RXFP2: variants seen among roughly 807,000 people sequenced by gnomAD.
The protein encoded by RXFP2 is relaxin receptor 2.
RXFP2 carries 68 observed loss-of-function variants against 88.6 expected under a neutral mutation model. The ratio of observed to expected loss-of-function variants is 0.77; its 90% CI spans 0.63 to 0.94. The LOEUF (loss-of-function observed/expected upper bound fraction) is 0.94, where lower values mean the gene tolerates loss of function less well. Among genes scored for constraint, RXFP2 ranks in the 40% least tolerant of loss-of-function variants. RXFP2 has a pLI of 0.00. For missense variants in RXFP2, 791 were observed against 893.9 expected (o/e 0.88, Z 1.47); for synonymous variants, 329 against 306.8 (o/e 1.07, Z -0.76).
At chr13:31,765,290 T>C in intron 4 of RXFP2, 148 bp downstream of exon 4, 1 of 638,106 alleles carries the variant, frequency 1.6e-6, no homozygotes, top group Non-Finnish European at 2.8e-6. Flanking sequence ...ATGCTTCCTA[T>C]TCAGGGGGAA....
At chr13:31,771,472 C>G (rs1872732429) in intron 5 of RXFP2, among the ~76,000 whole-genome samples, 1 of 152,166 alleles carries the variant, frequency 6.6e-6, no homozygotes, top group South Asian at 2.1e-4. Flanking sequence ...CTTGAATCAT[C>G]CTGAAACCAT....
Position 31,802,388 on chromosome 13 carries a change from A to G in RXFP2, c.2248A>G (p.Met750Val). 6.2e-7 allele frequency: 1 copy of G among 1,614,104 alleles called. No individual in the cohort carries two copies. The highest frequency in any genetic ancestry group is 2.2e-5 in the East Asian group (1 of 44,878). ...LNKITLGDSI[M>V]KPVS is the part of the protein sequence containing the mutation. ...CAAAATAACACTTGGAGACAGTATA[A>G]TGAAACCAGTTTCCTAGCAATCATT... Residue 750 changes from methionine (M) to valine (V), a missense_variant, in exon 18 of 18, where the codon ATG (methionine) becomes GTG (valine). Physicochemically the swap from Met to Val is conservative, Grantham distance 21 (BLOSUM62 1). Coordinates refer to ENST00000298386, the MANE Select transcript of RXFP2 (RefSeq NM_130806.5).
intron 5 of RXFP2, among the ~76,000 whole-genome samples, chr13:31,769,187 A>G (rs2138421525): frequency 6.6e-6 from 1 of 152,322 alleles, no homozygotes; most frequent in Non-Finnish European, 1.5e-5. Flanking sequence ...AAAATATATA[A>G]TTTGTTAGGT....
rs71941366 is a variant in RXFP2, at chr13:31,786,554, T to TAAAAA, written c.1002-6_1002-2dup. 6 of 1,496,334 alleles carry TAAAAA rather than the reference T, an allele frequency of 4.0e-6. No individual in the cohort carries two copies. Among genetic ancestry groups the TAAAAA allele is most frequent in the South Asian group, 2.4e-5 (2 of 85,002 alleles). 92.7% of individuals were successfully genotyped at this position (1,496,334 alleles called of 1,614,324 possible). On this transcript the variant is annotated splice_polypyrimidine_tract_variant and intron_variant, in intron 12 of 17. Transcript: ENST00000298386. ...CTTCTTTTCCTCTCTCATCTAATGG[T>TAAAAA]AAAAAAAAAAGGAACCTGTCATCCA...
At chr13:31,792,239 G>A (rs1329459243) in intron 15 of RXFP2, among the ~76,000 whole-genome samples, 1 of 152,150 alleles carries the variant, frequency 6.6e-6, no homozygotes, top group Non-Finnish European at 1.5e-5. Flanking sequence ...CTGCTCTCAG[G>A]AGTATGTCTT....
At chr13:31,778,860 C>G (rs184380170) in intron 9 of RXFP2, among the ~76,000 whole-genome samples, 2 of 152,260 alleles carry the variant, frequency 1.3e-5, no homozygotes, top group Admixed American at 1.3e-4. Context: ...AACTACTACT[C>G]CTACAGTCAA....
chr13:31,777,542 A>G (rs1873048912), intron 8 of RXFP2, 95 bp downstream of exon 8: 1 of 952,874 alleles, frequency 1.0e-6, no homozygotes, highest in African/African-American at 1.6e-5. Context: ...AATCAAGCCC[A>G]CAAAAATTTT....
chr13:31,775,547 C>T (rs1872909839), intron 7 of RXFP2, among the ~76,000 whole-genome samples, 158 bp downstream of exon 7: 1 of 152,160 alleles, frequency 6.6e-6, no homozygotes, highest in African/African-American at 2.4e-5. Context: ...AATTCAATGT[C>T]ATGTCAAGTA....
At chr13:31,756,696 G>A (rs369854146) in intron 1 of RXFP2, among the ~76,000 whole-genome samples, 13 of 147,612 alleles carry the variant, frequency 8.8e-5, no homozygotes, top group Non-Finnish European at 1.6e-4. Context: ...ATCTTGGCTC[G>A]CTGCAACCTC....
At chr13:31,795,795 T>C (rs1874004913) in intron 16 of RXFP2, among the ~76,000 whole-genome samples, 1 of 152,254 alleles carries the variant, frequency 6.6e-6, no homozygotes, top group South Asian at 2.1e-4. Flanking sequence ...ACTCAGGATT[T>C]TAGCGACAGC....
In RXFP2 at chr13:31,758,983, G is replaced by GT. The variant is rs1872114400; in HGVS notation, c.241+581dup. 2.0e-5 allele frequency among the ~76,000 whole-genome samples: 3 copies of GT among 151,776 alleles called. No individual in the cohort carries two copies. In the South Asian group the frequency reaches 6.2e-4, roughly 32 times the overall value. On this transcript the variant is annotated intron_variant, in intron 2 of 17. Transcript: ENST00000298386. ...GAATTGCCTGAACCCGGGAGGCAAG[G>GT]TTGCGGTGAGCCCAGATGGCACCAC...
At chr13:31,787,305 A>G (rs1010123578) in intron 13 of RXFP2, among the ~76,000 whole-genome samples, 1 of 152,228 alleles carries the variant, frequency 6.6e-6, no homozygotes, top group Non-Finnish European at 1.5e-5. Flanking sequence ...TCTTAGTATC[A>G]TCTTTTATTC....
In RXFP2 at chr13:31,803,093, A is replaced by G. The variant is rs999040378; in HGVS notation, c.*688A>G. On this transcript the variant is annotated 3_prime_UTR_variant, in exon 18 of 18. Transcript: ENST00000298386. The stretch of plus-strand genomic sequence containing the variant: ...TTTCTGAAGGTTGCCCAGGGCACAA[A>G]CAAATTGGACACTTTCACTGCTAAA... 2 of 152,300 alleles carry G rather than the reference A, an allele frequency of 1.3e-5. No homozygotes were observed. Among genetic ancestry groups the G allele is most frequent in the East Asian group, 3.8e-4 (2 of 5,204 alleles). 9.4% of individuals were successfully genotyped at this position (152,300 alleles called of 1,614,324 possible). A position where few individuals can be genotyped will look rare whatever the true frequency, so the allele number is the denominator to read the frequency against.
intron 2 of RXFP2, among the ~76,000 whole-genome samples, chr13:31,759,031 G>A (rs1318163024): frequency 6.7e-6 from 1 of 148,254 alleles, no homozygotes; most frequent in African/African-American, 2.5e-5. Flanking sequence ...TGGGTAACAA[G>A]AGCAAAACTC....
At chr13:31,769,867 T>G (rs561340972) in intron 5 of RXFP2, among the ~76,000 whole-genome samples, 1 of 152,298 alleles carries the variant, frequency 6.6e-6, no homozygotes, top group Admixed American at 6.5e-5. Flanking sequence ...AAGGTCTTTT[T>G]GTATTTTCCA....
chr13:31,793,875 C>T (rs1182535278), intron 16 of RXFP2, among the ~76,000 whole-genome samples: 1 of 152,184 alleles, frequency 6.6e-6, no homozygotes, highest in East Asian at 1.9e-4. Context: ...TCCTTCCAGT[C>T]TCTACCCACT....
At chr13:31,797,594 C>G (rs1003644540) in intron 17 of RXFP2, among the ~76,000 whole-genome samples, 175 bp downstream of exon 17, 1 of 152,138 alleles carries the variant, frequency 6.6e-6, no homozygotes. Flanking sequence ...GTGGTGCAAT[C>G]CAACCAGGAA....
At chr13:31,748,513 G>A (rs756675156) in intron 1 of RXFP2, among the ~76,000 whole-genome samples, 3 of 152,080 alleles carry the variant, frequency 2.0e-5, no homozygotes, top group South Asian at 2.1e-4. Flanking sequence ...GATGTTTTTC[G>A]TCATTCAGAT....
chr13:31,785,901 C>T (rs775092473), intron 11 of RXFP2, among the ~76,000 whole-genome samples: 12 of 152,226 alleles, frequency 7.9e-5, no homozygotes, highest in South Asian at 2.1e-4. Context: ...ATATTAAAAG[C>T]GTGTGAACTT....
Sources: allele counts gnomAD v4.1 joint callset (sites outside exome capture counted in the v4.1 genomes callset), GRCh38; gene constraint gnomAD v4.1.1; transcripts MANE v1.5; gene names NCBI Gene and HGNC (gene_info 2026-07-23, HGNC 2026-07-21).